WNT9B: variants seen among roughly 807,000 people sequenced by gnomAD.
WNT9B encodes the protein protein Wnt-9b.
Under a neutral mutation model 30.2 loss-of-function variants are expected in WNT9B, and 12 were observed. The observed-to-expected ratio is 0.40, with a 90% CI of 0.26 to 0.64. The LOEUF (loss-of-function observed/expected upper bound fraction) is 0.64. Ranked by LOEUF, WNT9B falls within the 30% of genes least tolerant of loss-of-function variation. The pLI is 0.42. For missense variants in WNT9B, 442 were observed against 485.2 expected, an observed-to-expected ratio of 0.91 and a Z score of 0.84; for synonymous variants, 218 against 216.9, an observed-to-expected ratio of 1.01 and a Z score of -0.05.
upstream of WNT9B, among the ~76,000 whole-genome samples, chr17:46,848,731 T>C (rs72837820): frequency 0.2 from 29,851 of 152,224 alleles, 3,595 homozygotes; most frequent in East Asian, 0.49. Flanking sequence ...TCATGAGCCA[T>C]AGCCAGTACT....
At chr17:46,881,642 G>T (rs1471942420), downstream of WNT9B, among the ~76,000 whole-genome samples, 1 of 152,030 alleles carries the variant, frequency 6.6e-6, no homozygotes, top group African/African-American at 2.4e-5. Flanking sequence ...TCCCAAACAG[G>T]CCCGCAGACC....
intron 1 of WNT9B, among the ~76,000 whole-genome samples, chr17:46,860,260 G>A (rs1052328080): frequency 2.0e-5 from 3 of 152,160 alleles, no homozygotes; most frequent in Middle Eastern, 3.2e-3. Flanking sequence ...AAGCGGGGCC[G>A]GCAGACTCCC....
intron 1 of WNT9B, among the ~76,000 whole-genome samples, chr17:46,865,596 C>T (rs2085120204): frequency 6.6e-6 from 1 of 151,946 alleles, no homozygotes; most frequent in South Asian, 2.1e-4. Flanking sequence ...GTGGACTGGG[C>T]AAAAAGCTGA....
chr17:46,836,095 C>CGTACGTGTGTGTGTGTGTGT (rs1555692746), intron 1 of WNT9B, among the ~76,000 whole-genome samples: 1 of 126,434 alleles, frequency 7.9e-6, no homozygotes, highest in African/African-American at 3.2e-5. Context: ...GAGACGCTGA[C>CGTACGTGTGTGTGTGTGTGT]GTGTGTGTGT....
In WNT9B at chr17:46,835,744, T is replaced by G. The variant is rs894111901; in HGVS notation, c.95+2304T>G. ...AGTTGTTAAGGGTTGGGAGAATACATCTCCTAATGCAATGAGGAACAGATC... is the reference window on the plus strand; with the variant it reads ...AGTTGTTAAGGGTTGGGAGAATACAGCTCCTAATGCAATGAGGAACAGATC... On this transcript the variant is annotated intron_variant, in intron 1 of 2. Coordinates refer to the WNT9B transcript ENST00000575372. 5.3e-5 allele frequency among the ~76,000 whole-genome samples: 8 copies of G among 152,252 alleles called. No individual in the cohort carries two copies. The South Asian group carries it at 8.3e-4, about 16-fold the overall frequency.
chr17:46,851,538 C>A, upstream of WNT9B: 1 of 572,114 alleles, frequency 1.7e-6, no homozygotes, highest in Non-Finnish European at 2.5e-6. The surrounding 1 kb of genome is among the most constrained non-coding windows in gnomAD (Gnocchi z 4.3). Flanking sequence ...GCGCCGCCTG[C>A]CCCGCCCCAC....
intron 1 of WNT9B, among the ~76,000 whole-genome samples, chr17:46,870,470 A>G (rs1308389586): frequency 2.0e-5 from 3 of 152,218 alleles, no homozygotes; most frequent in African/African-American, 7.2e-5. Flanking sequence ...CAGATTAATG[A>G]TTAACGGGTC....
Position 46,851,845 on chromosome 17 carries a change from G to A in WNT9B, c.77+130G>A. On this transcript the variant is annotated intron_variant, in intron 1 of 3. Coordinates refer to ENST00000290015, the MANE Select transcript of WNT9B (RefSeq NM_003396.3). This position sits in a 1 kb window ranked among gnomAD's most constrained non-coding sequence, Gnocchi z 4.3. ...AGGTCTCGAACTCAGACCCTAGCCC[G>A]GCGCGACCCAACCCACTTCGCAGTC... The A allele has an allele frequency of 2.3e-6, 1 of 428,518 alleles. No individual in the cohort carries two copies. The highest frequency in any genetic ancestry group is 3.8e-6 in the Non-Finnish European group (1 of 260,540). The allele number at this position is 428,518 out of a possible 1,614,324, so 26.5% of individuals were successfully genotyped here.
chr17:46,840,240 C>T lies in WNT9B; in HGVS notation c.95+6800C>T, dbSNP rs574858053. 2.0e-3 allele frequency among the ~76,000 whole-genome samples: 302 copies of T among 152,054 alleles called. 1 individual carries two copies. Among genetic ancestry groups the T allele is most frequent in the Non-Finnish European group, 3.3e-3 (224 of 67,974 alleles). Reference sequence around the variant, plus strand: ...TAGCTGGTACTACAGGTGCCCGACACCACGCCCGGCTAATTTTTTATATTT... The same window carrying T: ...TAGCTGGTACTACAGGTGCCCGACATCACGCCCGGCTAATTTTTTATATTT... On this transcript the variant is annotated intron_variant, in intron 1 of 2. Coordinates refer to the WNT9B transcript ENST00000575372.
upstream of WNT9B, among the ~76,000 whole-genome samples, chr17:46,847,255 C>T (rs935125288): frequency 6.6e-6 from 1 of 152,236 alleles, no homozygotes; most frequent in African/African-American, 2.4e-5. Flanking sequence ...CCCCACTTAG[C>T]TTCAGTCCTA....
chr17:46,856,714 C>T (rs1278741299), intron 1 of WNT9B, among the ~76,000 whole-genome samples: 2 of 152,138 alleles, frequency 1.3e-5, no homozygotes, highest in Admixed American at 6.5e-5. Context: ...AAACTCCTGA[C>T]CTCAGGTGAT....
In WNT9B at chr17:46,872,652, G is replaced by C; in HGVS notation, c.213G>C (p.Glu71Asp). The C allele has an allele frequency of 6.2e-7, 1 of 1,613,668 alleles. No individual in the cohort carries two copies. Among genetic ancestry groups the C allele is most frequent in the Non-Finnish European group, 8.5e-7 (1 of 1,180,002 alleles). The change falls in exon 2 of 4, where the codon GAG becomes GAC. Residue 71 changes from glutamate to aspartate, a missense_variant. By Grantham distance (45) the Glu-to-Asp change is conservative (BLOSUM62 2). Coordinates refer to ENST00000290015, the MANE Select transcript of WNT9B (RefSeq NM_003396.3). ...GGCAGAAGCAGCTCTGCCGGAGGGA[G>C]CCCGGCCTGGCTGAGACCCTGAGGG... ...SRRQKQLCRR[E>D]PGLAETLRDA... is the part of the protein sequence containing the mutation.
At chr17:46,838,541 C>T (rs1429198003) in intron 1 of WNT9B, among the ~76,000 whole-genome samples, 3 of 151,962 alleles carry the variant, frequency 2.0e-5, no homozygotes, top group East Asian at 1.9e-4. Context: ...GCAGGAGGAT[C>T]GCTTGAGCCT....
chr17:46,876,455 A>G lies in WNT9B; in HGVS notation c.811A>G (p.Thr271Ala), dbSNP rs142604963. The change falls in exon 4 of 4, where the codon ACC (threonine) becomes GCC (alanine). Residue 271 changes from threonine (T) to alanine (A), a missense_variant. Coordinates refer to ENST00000290015, the MANE Select transcript of WNT9B (RefSeq NM_003396.3). Reference protein sequence around the residue: ...LWAPARQGSLTKGLAPRSGDL... With the variant: ...LWAPARQGSLAKGLAPRSGDL... ...GGCCCCTGCCAGGCAGGGCAGCCTC[A>G]CCAAAGGCCTGGCCCCAAGGTCTGG... 93 of 1,613,512 alleles carry G rather than the reference A, an allele frequency of 5.8e-5. No homozygotes were observed. The highest frequency in any genetic ancestry group is 7.5e-5 in the Non-Finnish European group (89 of 1,179,982).
intron 1 of WNT9B, among the ~76,000 whole-genome samples, chr17:46,871,454 G>A (rs562198832): frequency 6.6e-5 from 10 of 152,162 alleles, no homozygotes; most frequent in African/African-American, 1.9e-4. Context: ...CTGCCCCCTC[G>A]TAAATCCTTT....
chr17:46,879,594 T>G lies in WNT9B; in HGVS notation c.*2876T>G, dbSNP rs1264358740. Among the ~76,000 whole-genome samples the G allele has an allele frequency of 2.0e-5, 3 of 152,246 alleles. No homozygotes were observed. Among genetic ancestry groups the G allele is most frequent in the African/African-American group, 7.2e-5 (3 of 41,476 alleles). ...CTCTGTGAGGTAGGTGGGGCCACATTACTGTGGCCATTTTATAGATGAGGT... is the reference window on the plus strand; with the variant it reads ...CTCTGTGAGGTAGGTGGGGCCACATGACTGTGGCCATTTTATAGATGAGGT... On this transcript the variant is annotated 3_prime_UTR_variant, in exon 4 of 4. Transcript: ENST00000290015.
At chr17:46,876,193 T>C in intron 3 of WNT9B, 52 bp from the exon 4 acceptor site, 1 of 1,511,624 alleles carries the variant, frequency 6.6e-7, no homozygotes, top group Non-Finnish European at 8.9e-7. Flanking sequence ...GGGCAGGCTC[T>C]GGCTGCTGGG....
In WNT9B at chr17:46,851,845, G is replaced by C; in HGVS notation, c.77+130G>C. On this transcript the variant is annotated intron_variant, in intron 1 of 3. Transcript: ENST00000290015. This position sits in a 1 kb window ranked among gnomAD's most constrained non-coding sequence, Gnocchi z 4.3. Reference sequence around the variant, plus strand: ...AGGTCTCGAACTCAGACCCTAGCCCGGCGCGACCCAACCCACTTCGCAGTC... The same window carrying C: ...AGGTCTCGAACTCAGACCCTAGCCCCGCGCGACCCAACCCACTTCGCAGTC... 1 of 428,518 alleles carries C rather than the reference G, an allele frequency of 2.3e-6. No individual in the cohort carries two copies. Among genetic ancestry groups the C allele is most frequent in the Admixed American group, 4.7e-5 (1 of 21,480 alleles). 26.5% of individuals were successfully genotyped at this position (428,518 alleles called of 1,614,324 possible).
At chr17:46,849,114 G>T (rs1230055171), upstream of WNT9B, among the ~76,000 whole-genome samples, 1 of 152,238 alleles carries the variant, frequency 6.6e-6, no homozygotes, top group Non-Finnish European at 1.5e-5. Context: ...ACCTGGTACA[G>T]TTCTAACATC....
Sources: gnomAD v4.1 joint callset for allele counts (sites outside exome capture counted in the v4.1 genomes callset) on GRCh38, gnomAD v4.1.1 for gene constraint, Gnocchi (gnomAD v3.1) non-coding constraint, MANE v1.5 for transcripts, NCBI Gene and HGNC (gene_info 2026-07-23, HGNC 2026-07-21) for gene names.